The following ACER2 variants were observed in gnomAD, a reference collection of about 807,000 sequenced individuals.
ACER2 encodes alkCDase 2.
In ACER2, 26 loss-of-function variants were observed where a neutral mutation model predicts 34.7. That is an observed-to-expected ratio of 0.75 (90% CI 0.55 to 1.04). The LOEUF is 1.04. Ranked by LOEUF, ACER2 falls within the 50% of genes least tolerant of loss-of-function variation. The pLI is 0.00. For synonymous variants in ACER2, 138 were observed against 132.1 expected (o/e 1.04, Z -0.31); for missense variants, 352 against 340.8 (o/e 1.03, Z -0.26).
At chr9:19,416,739 G>T (rs1418219773) in intron 1 of ACER2, among the ~76,000 whole-genome samples, 1 of 151,618 alleles carries the variant, frequency 6.6e-6, no homozygotes, top group African/African-American at 2.4e-5. Flanking sequence ...TGCCATGTTG[G>T]CCAGGCTGGT....
chr9:19,422,549 A>T (rs1182611298), intron 1 of ACER2, among the ~76,000 whole-genome samples: 11 of 152,124 alleles, frequency 7.2e-5, no homozygotes, highest in Non-Finnish European at 8.8e-5. Flanking sequence ...TTTGGTTAGG[A>T]TGGGAAAGCT....
intron 4 of ACER2, among the ~76,000 whole-genome samples, chr9:19,441,199 G>A (rs1831144779): frequency 6.6e-6 from 1 of 152,058 alleles, no homozygotes; most frequent in East Asian, 1.9e-4. Flanking sequence ...ACAGGCATGT[G>A]CCACCATGCC....
At chr9:19,422,599 G>A (rs939085969) in intron 1 of ACER2, among the ~76,000 whole-genome samples, 4 of 152,128 alleles carry the variant, frequency 2.6e-5, no homozygotes, top group Non-Finnish European at 5.9e-5. Context: ...AAGAGTCCTC[G>A]CTTTGTGTAG....
At chr9:19,423,774 T>A (rs1341178506) in intron 1 of ACER2, 88 bp from the exon 2 acceptor site, 1 of 945,554 alleles carries the variant, frequency 1.1e-6, no homozygotes, top group East Asian at 2.4e-5. Flanking sequence ...TTATCCCAGT[T>A]TGCAAGGACA....
chr9:19,412,769 G>A (rs1220280716), intron 1 of ACER2, among the ~76,000 whole-genome samples: 1 of 151,162 alleles, frequency 6.6e-6, no homozygotes, highest in African/African-American at 2.4e-5. Flanking sequence ...CACTTAATAT[G>A]TCTTGGAGAT....
rs557934540 is a variant in ACER2, at chr9:19,448,004, C to CTT, written c.641+1605_641+1606dup. Among the ~76,000 whole-genome samples, 459 of 109,900 alleles carry CTT rather than the reference C, an allele frequency of 4.2e-3. 19 individuals carry two copies. The highest frequency in any genetic ancestry group is 0.015 in the African/African-American group (426 of 28,874). The allele number at this position is 109,900 out of a possible 152,430, so 72.1% of individuals were successfully genotyped here. On this transcript the variant is annotated intron_variant, in intron 5 of 5. Transcript: ENST00000340967. ...AGCATCATTCTATACACGATGCAAA[C>CTT]TTTTTTTTTTTTTTTTTTTTGAGAC...
chr9:19,415,056 T>C (rs1014803319), intron 1 of ACER2, among the ~76,000 whole-genome samples: 1 of 152,180 alleles, frequency 6.6e-6, no homozygotes, highest in African/African-American at 2.4e-5. Context: ...CCTTTCCATA[T>C]GTTGACGTCT....
chr9:19,421,078 A>C (rs907234441), intron 1 of ACER2, among the ~76,000 whole-genome samples: 1 of 152,178 alleles, frequency 6.6e-6, no homozygotes, highest in Non-Finnish European at 1.5e-5. Context: ...AACCTGTACA[A>C]CCTGTTACTG....
At position 19,436,056 on chromosome 9, in the gene ACER2, AG is replaced by A. The variant is rs1227131057; in HGVS notation, c.503+973del. Among the ~76,000 whole-genome samples the A allele has an allele frequency of 1.0e-2, 1,517 of 152,072 alleles. 28 individuals carry two copies. Among genetic ancestry groups the A allele is most frequent in the African/African-American group, 0.034 (1,423 of 41,440 alleles). The stretch of plus-strand genomic sequence containing the variant: ...AGAGCGAGACTCTATCTCAAAAAAC[AG>A]AAAAAGAAGAAAGAAGAAAGCCCTT... On this transcript the variant is annotated intron_variant, in intron 4 of 5. Transcript: ENST00000340967.
intron 1 of ACER2, among the ~76,000 whole-genome samples, chr9:19,414,375 A>G (rs1254960065): frequency 1.1e-4 from 16 of 152,248 alleles, no homozygotes; most frequent in Non-Finnish European, 1.6e-4. Context: ...CTGTCTGGAA[A>G]GTGCACATTC....
At position 19,421,200 on chromosome 9, in the gene ACER2, T is replaced by C. The variant is rs75302224; in HGVS notation, c.109-2662T>C. Among the ~76,000 whole-genome samples the C allele has an allele frequency of 4.3e-3, 660 of 152,340 alleles. 5 individuals are homozygous for C. The highest frequency in any genetic ancestry group is 0.015 in the African/African-American group (636 of 41,578). On this transcript the variant is annotated intron_variant, in intron 1 of 5. Transcript: ENST00000340967. The stretch of plus-strand genomic sequence containing the variant: ...GTGGCATAAAAGCTCCATTATAATA[T>C]GGGTCCACTGTCATATGTGTGGCTC...
At chr9:19,420,592 G>A (rs956290786) in intron 1 of ACER2, among the ~76,000 whole-genome samples, 1 of 152,214 alleles carries the variant, frequency 6.6e-6, no homozygotes, top group Non-Finnish European at 1.5e-5. Context: ...TAAAAATGCT[G>A]CTGTGGGAAA....
chr9:19,442,343 C>T (rs1489517697), intron 4 of ACER2, among the ~76,000 whole-genome samples: 1 of 152,218 alleles, frequency 6.6e-6, no homozygotes, highest in African/African-American at 2.4e-5. Flanking sequence ...TTTTTCACTT[C>T]ACATTGATAT....
At chr9:19,445,589 G>C (rs59476864) in intron 4 of ACER2, among the ~76,000 whole-genome samples, 1 of 152,232 alleles carries the variant, frequency 6.6e-6, no homozygotes, top group Non-Finnish European at 1.5e-5. Context: ...TGTGAGGGAA[G>C]AGCATTCCAG....
At chr9:19,418,793 T>A (rs1830316789) in intron 1 of ACER2, among the ~76,000 whole-genome samples, 1 of 152,098 alleles carries the variant, frequency 6.6e-6, no homozygotes, top group South Asian at 2.1e-4. Context: ...TGTATAGCTA[T>A]GTAACAAACC....
intron 4 of ACER2, among the ~76,000 whole-genome samples, chr9:19,438,434 A>T (rs1831040947): frequency 6.6e-6 from 1 of 152,202 alleles, no homozygotes; most frequent in Non-Finnish European, 1.5e-5. Flanking sequence ...TGAAGATGTT[A>T]GTTGAAGTGA....
intron 3 of ACER2, among the ~76,000 whole-genome samples, chr9:19,434,508 C>T (rs370512312): frequency 3.9e-5 from 6 of 152,364 alleles, no homozygotes; most frequent in South Asian, 2.1e-4. Flanking sequence ...AACCAGACTC[C>T]GTCTGCAATC....
In ACER2 at chr9:19,446,060, G is replaced by A. The variant is rs1406630785; in HGVS notation, c.504-221G>A. On this transcript the variant is annotated intron_variant, in intron 4 of 5. Transcript: ENST00000340967. ...ATGTAGTTGGGTGTATGAGTCTGGA[G>A]TCAGGAGAGAAGCCTGGGTGGGAAG... The A allele has an allele frequency of 3.5e-5, 26 of 751,644 alleles. No individual in the cohort carries two copies. The Middle Eastern group carries it at 9.3e-4, about 27-fold the overall frequency. 46.6% of individuals were successfully genotyped at this position (751,644 alleles called of 1,614,324 possible). A position where few individuals can be genotyped will look rare whatever the true frequency, so the allele number is the denominator to read the frequency against.
intron 4 of ACER2, among the ~76,000 whole-genome samples, chr9:19,444,935 C>T (rs1051729296): frequency 7.2e-5 from 11 of 152,332 alleles, no homozygotes; most frequent in Middle Eastern, 3.4e-3. Context: ...CTTTCTGAAC[C>T]TGTCCCACTT....
Sources: gnomAD v4.1 joint callset for allele counts (sites outside exome capture counted in the v4.1 genomes callset) on GRCh38, gnomAD v4.1.1 for gene constraint, MANE v1.5 for transcripts, NCBI Gene and HGNC (gene_info 2026-07-23, HGNC 2026-07-21) for gene names.